Variants in AIFM1 observed in about 807,000 individuals in gnomAD.
AIFM1 encodes apoptosis-inducing factor 1, mitochondrial.
Under a neutral mutation model 51.7 loss-of-function variants are expected in AIFM1, and 3 were observed. That is an observed-to-expected ratio of 0.06 (90% CI 0.03 to 0.15). The LOEUF (loss-of-function observed/expected upper bound fraction) is 0.15, where lower values mean the gene tolerates loss of function less well. Ranked by LOEUF, AIFM1 falls within the 10% of genes least tolerant of loss-of-function variation. The pLI, the probability that AIFM1 is intolerant of heterozygous loss-of-function variation, is 1.00. For synonymous variants in AIFM1, 178 were observed against 179.4 expected, an observed-to-expected ratio of 0.99 and a Z score of 0.06; for missense variants, 330 against 476.8, an observed-to-expected ratio of 0.69 and a Z score of 2.87.
intron 10 of AIFM1, 148 bp downstream of exon 10, chrX:130,136,930 G>A: frequency 8.9e-7 from 1 of 1,127,728 alleles, no homozygotes; most frequent in Non-Finnish European, 1.2e-6. Flanking sequence ...AGAACACCTA[G>A]ATGAACTTAG....
At chrX:130,164,906 T>G (rs1025919674) in intron 1 of AIFM1, among the ~76,000 whole-genome samples, 1 of 110,869 alleles carries the variant, frequency 9.0e-6, no homozygotes, top group East Asian at 2.8e-4. Flanking sequence ...GCTCTAAAAT[T>G]TGATGAAACA....
At chrX:130,156,768 C>T (rs1181855458) in intron 1 of AIFM1, among the ~76,000 whole-genome samples, 165 bp from the exon 2 acceptor site, 1 of 112,250 alleles carries the variant, frequency 8.9e-6, no homozygotes, top group Non-Finnish European at 1.9e-5. Context: ...ATACTACAGA[C>T]AGCTGAATGA....
chrX:130,158,269 A>G (rs2031235797), intron 1 of AIFM1, among the ~76,000 whole-genome samples: 1 of 111,117 alleles, frequency 9.0e-6, no homozygotes, highest in Admixed American at 9.6e-5. Context: ...CATTTCAAAG[A>G]AAAAAAAAGA....
chrX:130,164,576 A>G (rs1158346588), intron 1 of AIFM1, among the ~76,000 whole-genome samples: 1 of 112,147 alleles, frequency 8.9e-6, no homozygotes, highest in Non-Finnish European at 1.9e-5. Context: ...CTACAGGTGG[A>G]TCATTCATTG....
At chrX:130,151,803 G>A (rs769991873) in intron 2 of AIFM1, among the ~76,000 whole-genome samples, 118 of 111,906 alleles carry the variant, frequency 1.1e-3, no homozygotes, top group African/African-American at 3.8e-3. Flanking sequence ...CACTTTGGGA[G>A]GCCAAGTTGT....
At chrX:130,132,815 C>T (rs1351264973) in intron 13 of AIFM1, among the ~76,000 whole-genome samples, 1 of 101,715 alleles carries the variant, frequency 9.8e-6, no homozygotes, top group Non-Finnish European at 2.0e-5. Flanking sequence ...GGTGTGATCT[C>T]GGCTCACTGC....
chrX:130,140,306 A>C (rs976876447), intron 7 of AIFM1, among the ~76,000 whole-genome samples: 26 of 112,409 alleles, frequency 2.3e-4, no homozygotes, highest in South Asian at 2.2e-3. Flanking sequence ...GAGAGAAAAA[A>C]GGGCAACTTC....
At chrX:130,138,451 C>T (rs1185107102) in intron 9 of AIFM1, 142 bp downstream of exon 9, 10 of 488,797 alleles carry the variant, frequency 2.0e-5, no homozygotes, top group East Asian at 7.7e-5. Context: ...GGTGACAGAG[C>T]GAGACTCCAT....
intron 3 of AIFM1, among the ~76,000 whole-genome samples, chrX:130,148,277 A>G (rs1191326836): frequency 9.0e-6 from 1 of 111,497 alleles, no homozygotes; most frequent in Non-Finnish European, 1.9e-5. Flanking sequence ...AAGGGAGAAA[A>G]TCCAGGAGGT....
chrX:130,165,467 C>A (rs2031498872), intron 1 of AIFM1, 84 bp downstream of exon 1: 2 of 810,449 alleles, frequency 2.5e-6, no homozygotes, highest in East Asian at 3.4e-5. Context: ...CTCGCGGGGA[C>A]GCGGGGGTAG....
At chrX:130,162,922 G>A (rs1427870366) in intron 1 of AIFM1, among the ~76,000 whole-genome samples, 2 of 111,878 alleles carry the variant, frequency 1.8e-5, no homozygotes, top group African/African-American at 3.3e-5. Context: ...CTGGAAGGAG[G>A]CAGAGCATCC....
At chrX:130,132,897 C>G (rs1042077486) in intron 13 of AIFM1, among the ~76,000 whole-genome samples, 2 of 110,611 alleles carry the variant, frequency 1.8e-5, no homozygotes, top group Non-Finnish European at 3.8e-5. Context: ...CAGGCATGCA[C>G]CACCACGTCC....
Position 130,165,662 on chromosome X carries a change from C to T in AIFM1, c.-6G>A, listed in dbSNP as rs997842732. 8.4e-7 allele frequency: 1 copy of T among 1,184,206 alleles called. No individual in the cohort carries two copies. The highest frequency in any genetic ancestry group is 1.1e-6 in the Non-Finnish European group (1 of 878,272). ...AGGCCTCCACACCGGAACATTTCGGCGACCGCTATTCGGGACCTCCTCCTT... is the reference window on the plus strand; with the variant it reads ...AGGCCTCCACACCGGAACATTTCGGTGACCGCTATTCGGGACCTCCTCCTT... On this transcript the variant is annotated 5_prime_UTR_variant, in exon 1 of 16. Transcript: ENST00000287295.
intron 1 of AIFM1, among the ~76,000 whole-genome samples, chrX:130,161,188 T>C (rs1182676768): frequency 9.0e-6 from 1 of 110,998 alleles, no homozygotes; most frequent in Non-Finnish European, 1.9e-5. Flanking sequence ...ACTTGTTTCC[T>C]GAGGGTCAAA....
At chrX:130,140,908 G>A (rs748772398) in intron 6 of AIFM1, among the ~76,000 whole-genome samples, 5 of 112,239 alleles carry the variant, frequency 4.5e-5, no homozygotes, top group Non-Finnish European at 7.5e-5. Context: ...CTGAGGCCAC[G>A]AGTTTGAGAC....
At chrX:130,153,590 T>C (rs769591980) in intron 2 of AIFM1, among the ~76,000 whole-genome samples, 90 of 111,202 alleles carry the variant, frequency 8.1e-4, no homozygotes, top group Non-Finnish European at 1.5e-3. Flanking sequence ...TATTTGGCAA[T>C]GGGGCATTGG....
intron 2 of AIFM1, among the ~76,000 whole-genome samples, chrX:130,153,284 C>T (rs2031054206): frequency 1.0e-5 from 1 of 97,667 alleles, no homozygotes; most frequent in Non-Finnish European, 2.0e-5. Context: ...ACCCGGGAGG[C>T]GGACGTATCA....
In AIFM1 at chrX:130,149,535, A is replaced by G; in HGVS notation, c.283T>C (p.Tyr95His). 1 of 1,210,069 alleles carries G rather than the reference A, an allele frequency of 8.3e-7. No homozygotes were observed. The highest frequency in any genetic ancestry group is 1.1e-6 in the Non-Finnish European group (1 of 894,110). Residue 95 changes from tyrosine to histidine, a missense_variant, in exon 3 of 16, where the codon TAC (tyrosine) becomes CAC (histidine). Physicochemically the swap from Tyr to His is moderately conservative, Grantham distance 83. This residue lies in a region of AIFM1 where 110 missense variants were observed against 103.1 expected (regional missense o/e 1.07). Transcript: ENST00000287295. ...YKTMKEDEKR[Y>H]NERISGLGLT... is the part of the protein sequence containing the mutation. Reference sequence around the variant, plus strand: ...CCTAACCCTGAAATTCTTTCATTGTATCTTTTTTCATCCTCTTTCATAGTC... The same window carrying G: ...CCTAACCCTGAAATTCTTTCATTGTGTCTTTTTTCATCCTCTTTCATAGTC...
intron 1 of AIFM1, among the ~76,000 whole-genome samples, chrX:130,157,393 T>G (rs1368264904): frequency 8.9e-6 from 1 of 112,139 alleles, no homozygotes; most frequent in Non-Finnish European, 1.9e-5. Context: ...AAGGAAGGTC[T>G]CAGTCTCTGA....
Sources: allele counts gnomAD v4.1 joint callset (sites outside exome capture counted in the v4.1 genomes callset), GRCh38; gene constraint gnomAD v4.1.1; regional missense constraint gnomAD v4.1.1; transcripts MANE v1.5; gene names NCBI Gene and HGNC (gene_info 2026-07-23, HGNC 2026-07-21).